The following MYO18B variants were observed in gnomAD, a reference collection of about 807,000 sequenced individuals.
The protein encoded by MYO18B is unconventional myosin-XVIIIb.
A neutral mutation model predicts 273.0 loss-of-function variants in MYO18B; 204 were observed. The observed-to-expected ratio is 0.75, with a 90% CI of 0.67 to 0.84. MYO18B has a LOEUF of 0.84. Among genes scored for constraint, MYO18B ranks in the 40% least tolerant of loss-of-function variants. The pLI, the probability that MYO18B is intolerant of heterozygous loss-of-function variation, is 0.00. For missense variants in MYO18B, 3,212 were observed against 3,287.6 expected, an observed-to-expected ratio of 0.98 and a Z score of 0.56; for synonymous variants, 1,330 against 1,305.7, an observed-to-expected ratio of 1.02 and a Z score of -0.40.
chr22:25,896,177 C>G (rs1041526078), intron 28 of MYO18B: 1 of 152,128 alleles, frequency 6.6e-6, no homozygotes, highest in Non-Finnish European at 1.5e-5. Flanking sequence ...TCAATTGGAT[C>G]TCTAAACCCA....
At chr22:25,792,500 T>TTTTTTC (rs2087718837) in intron 11 of MYO18B, among the ~76,000 whole-genome samples, 8 of 128,236 alleles carry the variant, frequency 6.2e-5, no homozygotes, top group South Asian at 2.8e-4. Context: ...TTCTTTTCTT[T>TTTTTTC]TTTTTTTTTT....
At chr22:25,754,058 A>G (rs1256965135) in intron 1 of MYO18B, among the ~76,000 whole-genome samples, 1 of 152,190 alleles carries the variant, frequency 6.6e-6, no homozygotes. Flanking sequence ...GTTGATTGAA[A>G]GCTAAGTATG....
chr22:25,760,759 G>T (rs2086285722), intron 1 of MYO18B, among the ~76,000 whole-genome samples: 1 of 152,206 alleles, frequency 6.6e-6, no homozygotes, highest in East Asian at 1.9e-4. Flanking sequence ...TTGTATAAAC[G>T]TGTGGGGCCA....
At chr22:25,816,362 A>G (rs1295400101) in intron 12 of MYO18B, among the ~76,000 whole-genome samples, 1 of 152,094 alleles carries the variant, frequency 6.6e-6, no homozygotes, top group African/African-American at 2.4e-5. Context: ...ATTTATTATT[A>G]TACTTTAAGT....
At chr22:26,014,649 A>T (rs577783998) in intron 42 of MYO18B, among the ~76,000 whole-genome samples, 83 of 151,734 alleles carry the variant, frequency 5.5e-4, no homozygotes, top group African/African-American at 1.9e-3. Flanking sequence ...ATAAATAAAC[A>T]TTTTTTTTTC....
chr22:26,027,049 C>T lies in MYO18B; in HGVS notation c.7075C>T (p.Pro2359Ser). 6.2e-7 allele frequency: 1 copy of T among 1,613,988 alleles called. No homozygotes were observed. The highest frequency in any genetic ancestry group is 2.2e-5 in the East Asian group (1 of 44,874). The change falls in exon 43 of 44, where the codon CCG (proline) becomes TCG (serine). Residue 2359 changes from proline to serine, a missense_variant. By Grantham distance (74) the Pro-to-Ser change is moderately conservative. Transcript: ENST00000335473. The surrounding 1 kb of genome is among the most constrained non-coding windows in gnomAD (Gnocchi z 4.1). ...SSCESLLESR[P>S]SMGRKLSSPT... is the part of the protein sequence containing the mutation. ...CTGCGAGTCCCTCTTAGAATCCAGA[C>T]CGAGCATGGGGAGAAAACTGAGCTC... is the stretch of plus-strand genomic sequence containing the variant.
At position 25,832,952 on chromosome 22, in the gene MYO18B, C is replaced by G; in HGVS notation, c.3015C>G (p.Pro1005=). ...CTGTGCAGTTTGACCTCCCGGACCC[C>G]TCCCCAGGGACCACCGTGGCTGTTG... ...GVPVQFDLPD[P]SPGTTVAVVD... is the part of the protein sequence containing the mutation. The change falls in exon 16 of 44, where the codon CCC becomes CCG. Residue 1005 remains proline (P), a synonymous_variant. Coordinates refer to ENST00000335473, the MANE Select transcript of MYO18B (RefSeq NM_032608.7). The G allele has an allele frequency of 6.2e-7, 1 of 1,613,836 alleles. No individual in the cohort carries two copies. Among genetic ancestry groups the G allele is most frequent in the Non-Finnish European group, 8.5e-7 (1 of 1,179,858 alleles).
intron 12 of MYO18B, among the ~76,000 whole-genome samples, chr22:25,803,122 C>T (rs187874199): frequency 1.1e-4 from 17 of 151,472 alleles, no homozygotes; most frequent in Admixed American, 5.2e-4. Context: ...CCACCACACC[C>T]GGCTATTTTT....
chr22:25,768,070 G>C (rs373030817), intron 3 of MYO18B, 45 bp from the exon 4 acceptor site: 212 of 1,473,120 alleles, frequency 1.4e-4, no homozygotes, highest in Middle Eastern at 5.4e-4. Context: ...AAAGCTGTCA[G>C]GTCAGCAAGC....
At chr22:26,057,559 A>G in the MYO18B span, among the ~76,000 whole-genome samples, 360 of 151,004 alleles carry the variant, frequency 2.4e-3, 2 homozygotes, top group Middle Eastern at 3.4e-3. Context: ...CTTCAAAAGG[A>G]CATTGCCTTT....
chr22:25,988,628 C>T (rs572850000), intron 39 of MYO18B, among the ~76,000 whole-genome samples: 103 of 152,288 alleles, frequency 6.8e-4, no homozygotes, highest in African/African-American at 2.3e-3. Context: ...CAGAGTCCTG[C>T]ATTCCAATGT....
At chr22:26,060,797 C>T in the MYO18B span, among the ~76,000 whole-genome samples, 2 of 151,140 alleles carry the variant, frequency 1.3e-5, no homozygotes, top group Admixed American at 6.6e-5. Context: ...CACATATGCA[C>T]ATATATGCAC....
At chr22:25,742,977 CT>C (rs2085672390) in intron 1 of MYO18B, among the ~76,000 whole-genome samples, 1 of 152,236 alleles carries the variant, frequency 6.6e-6, no homozygotes, top group South Asian at 2.1e-4. Context: ...GGGGGCTATG[CT>C]TTGACATGGA....
chr22:25,921,133 T>C, intron 33 of MYO18B, 124 bp from the exon 34 acceptor site: 2 of 972,126 alleles, frequency 2.1e-6, no homozygotes, highest in South Asian at 1.8e-5. Context: ...AGAATGGTCT[T>C]GTCCAAGGTC....
rs1462599346 is a variant in MYO18B, at chr22:25,768,111, C to T, written c.199-4C>T. The T allele has an allele frequency of 6.3e-7, 1 of 1,586,520 alleles. No homozygotes were observed. The highest frequency in any genetic ancestry group is 1.3e-5 in the African/African-American group (1 of 74,132). ...TGTAGGCATGGTTGTGTTCTTTCTC[C>T]CAGATCCCAGAAATTTCCATCAGCC... On this transcript the variant is annotated splice_region_variant and splice_polypyrimidine_tract_variant and intron_variant, in intron 3 of 43. Coordinates refer to ENST00000335473, the MANE Select transcript of MYO18B (RefSeq NM_032608.7).
intron 23 of MYO18B, among the ~76,000 whole-genome samples, chr22:25,875,288 A>T (rs569593673): frequency 1.3e-5 from 2 of 152,208 alleles, no homozygotes. Flanking sequence ...TGGGCATGTG[A>T]CTTTACCTCT....
chr22:26,027,060 G>A lies in MYO18B; in HGVS notation c.7086G>A (p.Gly2362=). The A allele has an allele frequency of 6.2e-7, 1 of 1,614,010 alleles. No homozygotes were observed. The highest frequency in any genetic ancestry group is 8.5e-7 in the Non-Finnish European group (1 of 1,179,900). Reference sequence around the variant, plus strand: ...TCTTAGAATCCAGACCGAGCATGGGGAGAAAACTGAGCTCTCCGACCACAC... The same window carrying A: ...TCTTAGAATCCAGACCGAGCATGGGAAGAAAACTGAGCTCTCCGACCACAC... ...ESLLESRPSM[G]RKLSSPTTPR... Residue 2362 remains glycine (G), a synonymous_variant, in exon 43 of 44, where the codon GGG becomes GGA. Coordinates refer to ENST00000335473, the MANE Select transcript of MYO18B (RefSeq NM_032608.7). This position sits in a 1 kb window ranked among gnomAD's most constrained non-coding sequence, Gnocchi z 4.1.
intron 34 of MYO18B, among the ~76,000 whole-genome samples, chr22:25,945,771 C>A (rs1292516684): frequency 1.0e-3 from 5 of 4,952 alleles, no homozygotes; most frequent in Non-Finnish European, 1.9e-3. Flanking sequence ...CGCCTCCCCT[C>A]CCCTCGCCTC....
chr22:25,778,360 TTGATC>T (rs1429915817), intron 8 of MYO18B, among the ~76,000 whole-genome samples: 3 of 152,128 alleles, frequency 2.0e-5, no homozygotes, highest in Non-Finnish European at 4.4e-5. Context: ...GATGTGATAT[TTGATC>T]TGGGCCTTAA....
Sources: gnomAD v4.1 joint callset for allele counts (sites outside exome capture counted in the v4.1 genomes callset) on GRCh38, gnomAD v4.1.1 for gene constraint, Gnocchi (gnomAD v3.1) non-coding constraint, MANE v1.5 for transcripts, NCBI Gene and HGNC (gene_info 2026-07-23, HGNC 2026-07-21) for gene names.